The following TUBA1C variants were observed in gnomAD, a reference collection of about 807,000 sequenced individuals.
TUBA1C encodes the protein tubulin alpha-1C chain.
A neutral mutation model predicts 34.9 loss-of-function variants in TUBA1C; 16 were observed. That is an observed-to-expected ratio of 0.46 (90% CI 0.31 to 0.70). TUBA1C has a LOEUF of 0.70. Ranked by LOEUF, TUBA1C falls within the 30% of genes least tolerant of loss-of-function variation. The probability of loss-of-function intolerance (pLI) is 0.05; values close to 1 mark genes in which losing one functional copy is unlikely to be tolerated. For synonymous variants in TUBA1C, 177 were observed against 215.9 expected, an observed-to-expected ratio of 0.82 and a Z score of 1.58; for missense variants, 329 against 587.3, an observed-to-expected ratio of 0.56 and a Z score of 4.55.
chr12:49,265,823 G>A (rs1026494387), intron 1 of TUBA1C, among the ~76,000 whole-genome samples: 1 of 152,134 alleles, frequency 6.6e-6, no homozygotes, highest in Non-Finnish European at 1.5e-5. Flanking sequence ...TACTTAAGCC[G>A]GGTTTAAAAA....
intron 1 of TUBA1C, chr12:49,233,712 A>C (rs889673937): frequency 6.6e-6 from 1 of 152,266 alleles, no homozygotes; most frequent in African/African-American, 2.4e-5. Context: ...ACGAGCCTTC[A>C]TCACTAGAGG....
At chr12:49,265,300 C>T (rs1942891606) in intron 1 of TUBA1C, 116 bp downstream of exon 1, 1 of 765,328 alleles carries the variant, frequency 1.3e-6, no homozygotes, top group Admixed American at 3.1e-5. Context: ...TACCCCGGGC[C>T]CCTCCGGTTA....
intron 1 of TUBA1C, among the ~76,000 whole-genome samples, chr12:49,259,070 A>T (rs868866522): frequency 4.6e-5 from 7 of 151,866 alleles, no homozygotes; most frequent in South Asian, 2.1e-4. Context: ...AAAATGAAAA[A>T]TTTTTTTAAA....
At chr12:49,239,781 G>A (rs1942593003) in intron 1 of TUBA1C, among the ~76,000 whole-genome samples, 1 of 152,118 alleles carries the variant, frequency 6.6e-6, no homozygotes, top group East Asian at 1.9e-4. Context: ...GCAACAGAGA[G>A]ATGGTATTTC....
intron 1 of TUBA1C, among the ~76,000 whole-genome samples, chr12:49,236,996 C>CA (rs796215549): frequency 1.9e-4 from 29 of 152,266 alleles, no homozygotes; most frequent in African/African-American, 7.0e-4. Context: ...TTTGGTACTT[C>CA]AATAACTAAG....
intron 1 of TUBA1C, 119 bp downstream of exon 1, chr12:49,265,303 T>G: frequency 1.4e-6 from 1 of 737,482 alleles, no homozygotes; most frequent in Non-Finnish European, 2.0e-6. Flanking sequence ...CCCGGGCCCC[T>G]CCGGTTAACC....
intron 1 of TUBA1C, among the ~76,000 whole-genome samples, chr12:49,267,032 G>GT (rs999472648): frequency 2.0e-5 from 3 of 152,078 alleles, no homozygotes; most frequent in Non-Finnish European, 4.4e-5. Context: ...AAATTTTCTT[G>GT]TTTTTTAACG....
chr12:49,254,430 C>A (rs1310963656), intron 1 of TUBA1C, among the ~76,000 whole-genome samples: 2 of 140,998 alleles, frequency 1.4e-5, no homozygotes, highest in African/African-American at 5.5e-5. Flanking sequence ...ATCATTGAAC[C>A]GAGATCATGC....
At chr12:49,252,127 G>A (rs1942737562) in intron 1 of TUBA1C, among the ~76,000 whole-genome samples, 1 of 152,180 alleles carries the variant, frequency 6.6e-6, no homozygotes. Context: ...AAGGATGAAT[G>A]CATGCTACCA....
Position 49,274,284 on chromosome 12 carries a change from A to ATTTTTTTTT in TUBA1C, c.*1057_*1058insTTTTTTTTT. ...TCCACCATGCCTGGCTGATTCTTGT[A>ATTTTTTTTT]ATTTTTTTTTTTTTTTTTTTTTTTT... On this transcript the variant is annotated 3_prime_UTR_variant, in exon 4 of 4. Transcript: ENST00000301072. The ATTTTTTTTT allele has an allele frequency of 1.1e-5, 1 of 90,616 alleles. No individual in the cohort carries two copies. Among genetic ancestry groups the ATTTTTTTTT allele is most frequent in the African/African-American group, 6.0e-5 (1 of 16,644 alleles). The allele number at this position is 90,616 out of a possible 1,614,324, so 5.6% of individuals were successfully genotyped here. A position where few individuals can be genotyped will look rare whatever the true frequency, so the allele number is the denominator to read the frequency against.
At chr12:49,264,274 CTATTCA>C (rs1942870171), upstream of TUBA1C, among the ~76,000 whole-genome samples, 1 of 151,380 alleles carries the variant, frequency 6.6e-6, no homozygotes, top group Non-Finnish European at 1.5e-5. Context: ...AAAATGTAAG[CTATTCA>C]TTATCCTAAT....
At chr12:49,242,294 A>G (rs371031117) in intron 1 of TUBA1C, among the ~76,000 whole-genome samples, 1 of 151,986 alleles carries the variant, frequency 6.6e-6, no homozygotes, top group East Asian at 1.9e-4. Context: ...CCCGGCCAAA[A>G]GTTTACAGCC....
intron 2 of TUBA1C, 58 bp from the exon 3 acceptor site, chr12:49,269,770 A>C: frequency 6.2e-7 from 1 of 1,612,736 alleles, no homozygotes; most frequent in Non-Finnish European, 8.5e-7. Context: ...CTGGTCACTC[A>C]CCCACTCTCC....
Position 49,273,153 on chromosome 12 carries a change from G to A in TUBA1C, c.1276G>A (p.Ala426Thr), listed in dbSNP as rs1422038905. The A allele has an allele frequency of 8.7e-6, 14 of 1,614,230 alleles. No homozygotes were observed. The highest frequency in any genetic ancestry group is 1.1e-5 in the Non-Finnish European group (13 of 1,180,036). The change falls in exon 4 of 4, where the codon GCT (alanine) becomes ACT (threonine). Residue 426 changes from alanine to threonine, a missense_variant. By Grantham distance (58) the Ala-to-Thr change is moderately conservative (BLOSUM62 0). This residue lies in a region of TUBA1C where 34 missense variants were observed against 31.8 expected (regional missense o/e 1.07). Transcript: ENST00000301072. ...GEFSEAREDMAALEKDYEEVG... is the reference protein window; with the variant it reads ...GEFSEAREDMTALEKDYEEVG... ...GTTTTCAGAGGCCCGTGAGGACATG[G>A]CTGCCCTTGAGAAGGATTATGAGGA... is the stretch of plus-strand genomic sequence containing the variant.
At chr12:49,270,670 G>A (rs1439879599) in intron 3 of TUBA1C, among the ~76,000 whole-genome samples, 1 of 152,178 alleles carries the variant, frequency 6.6e-6, no homozygotes, top group South Asian at 2.1e-4. Context: ...AAACTGGACT[G>A]ATGTTTCCGA....
chr12:49,253,325 T>C (rs1942749891), intron 1 of TUBA1C, among the ~76,000 whole-genome samples: 1 of 152,010 alleles, frequency 6.6e-6, no homozygotes, highest in Non-Finnish European at 1.5e-5. Flanking sequence ...TGAGAGTTGG[T>C]AGGTGTAAGC....
At position 49,273,210 on chromosome 12, in the gene TUBA1C, G is replaced by A. The variant is rs769905434; in HGVS notation, c.1333G>A (p.Glu445Lys). 2 of 1,614,248 alleles carry A rather than the reference G, an allele frequency of 1.2e-6. No individual in the cohort carries two copies. Among genetic ancestry groups the A allele is most frequent in the South Asian group, 1.1e-5 (1 of 91,090 alleles). ...VGADSADGEDEGEEY is the reference protein window; with the variant it reads ...VGADSADGEDKGEEY The stretch of plus-strand genomic sequence containing the variant: ...AGCAGATAGTGCTGACGGAGAGGAT[G>A]AGGGTGAAGAGTATTAACCTGTGTG... The change falls in exon 4 of 4, where the codon GAG (glutamate) becomes AAG (lysine). Residue 445 changes from glutamate (E) to lysine (K), a missense_variant. Glu to Lys is a moderately conservative substitution (Grantham distance 56). Transcript: ENST00000301072.
chr12:49,228,128 T>A, exon 1 of TUBA1C: 1 of 1,535,690 alleles, frequency 6.5e-7, no homozygotes, highest in Non-Finnish European at 8.7e-7. Flanking sequence ...CACATGCACA[T>A]CCAGCAAAAG....
chr12:49,250,112 C>T (rs748145970), intron 1 of TUBA1C, among the ~76,000 whole-genome samples: 17 of 151,666 alleles, frequency 1.1e-4, no homozygotes, highest in Non-Finnish European at 2.4e-4. Context: ...GCAGGAGAAT[C>T]GCTTGAACCT....
Sources: allele counts gnomAD v4.1 joint callset (sites outside exome capture counted in the v4.1 genomes callset), GRCh38; gene constraint gnomAD v4.1.1; regional missense constraint gnomAD v4.1.1; transcripts MANE v1.5; gene names NCBI Gene and HGNC (gene_info 2026-07-23, HGNC 2026-07-21).